The following DLG2 variants were observed in gnomAD, a reference collection of about 807,000 sequenced individuals.
DLG2 encodes disks large homolog 2.
In DLG2, 45 loss-of-function variants were observed where a neutral mutation model predicts 132.5. The ratio of observed to expected loss-of-function variants is 0.34; its 90% CI spans 0.27 to 0.44. DLG2 has a LOEUF of 0.44. DLG2 is among the 20% of genes least tolerant of loss of function. The probability of loss-of-function intolerance (pLI) is 1.00; values close to 1 mark genes in which losing one functional copy is unlikely to be tolerated. For synonymous variants in DLG2, 424 were observed against 419.6 expected (o/e 1.01, Z -0.13); for missense variants, 1,045 against 1,196.9 (o/e 0.87, Z 1.87).
intron 21 of DLG2, among the ~76,000 whole-genome samples, chr11:83,499,505 TAATCTGTACG>T (rs1424906842): frequency 1.3e-4 from 20 of 152,028 alleles, no homozygotes; most frequent in Admixed American, 1.2e-3. Context: ...TGCTTTCAAA[TAATCTGTACG>T]AATTGACATT....
chr11:84,130,568 CGCACACATAG>C (rs2094380265), intron 9 of DLG2, among the ~76,000 whole-genome samples: 1 of 139,662 alleles, frequency 7.2e-6, no homozygotes, highest in African/African-American at 2.8e-5. Context: ...TATAAGTATA[CGCACACATAG>C]ACACACACAC....
At chr11:85,031,905 T>C (rs6592229) in intron 6 of DLG2, among the ~76,000 whole-genome samples, 77,843 of 149,640 alleles carry the variant, frequency 0.52, 20,628 homozygotes, top group East Asian at 0.67. Context: ...TGCCTTAGCT[T>C]CCTGAGAGGC....
At chr11:83,918,382 C>G (rs2077271573) in intron 15 of DLG2, among the ~76,000 whole-genome samples, 1 of 152,162 alleles carries the variant, frequency 6.6e-6, no homozygotes, top group Non-Finnish European at 1.5e-5. Context: ...CCAAGGCATT[C>G]ACTCACACCT....
At chr11:83,657,534 C>CTTTTTTTTTTTT (rs540422330) in intron 18 of DLG2, among the ~76,000 whole-genome samples, 4 of 93,398 alleles carry the variant, frequency 4.3e-5, no homozygotes, top group African/African-American at 9.3e-5. Context: ...ATTGTCTATT[C>CTTTTTTTTTTTT]TTTTTTTTTT....
intron 8 of DLG2, among the ~76,000 whole-genome samples, chr11:84,221,130 T>C (rs1179320631): frequency 1.3e-5 from 2 of 151,774 alleles, no homozygotes; most frequent in African/African-American, 4.8e-5. Flanking sequence ...GCATCCTGAT[T>C]GGGTGAAACA....
At chr11:84,606,084 T>C (rs975012172) in intron 6 of DLG2, among the ~76,000 whole-genome samples, 1 of 152,108 alleles carries the variant, frequency 6.6e-6, no homozygotes. Context: ...TTTAGCATGG[T>C]AGCTGGAAGA....
chr11:84,947,884 T>C (rs2050419096), intron 6 of DLG2, among the ~76,000 whole-genome samples: 1 of 152,208 alleles, frequency 6.6e-6, no homozygotes, highest in Non-Finnish European at 1.5e-5. Flanking sequence ...TTTTAGGCAA[T>C]TTATTCATTA....
chr11:85,341,964 G>A (rs1270627939), intron 3 of DLG2, among the ~76,000 whole-genome samples: 1 of 152,114 alleles, frequency 6.6e-6, no homozygotes, highest in African/African-American at 2.4e-5. Flanking sequence ...TATAACAAAT[G>A]AGATATCTGT....
chr11:83,662,343 C>A (rs2074490725), intron 18 of DLG2, among the ~76,000 whole-genome samples: 1 of 152,196 alleles, frequency 6.6e-6, no homozygotes, highest in Non-Finnish European at 1.5e-5. Flanking sequence ...AAAGCAAGCA[C>A]TGTATTGAAA....
At chr11:84,097,024 CAAAGTAGCTT>C (rs1292007740) in intron 10 of DLG2, among the ~76,000 whole-genome samples, 1 of 152,050 alleles carries the variant, frequency 6.6e-6, no homozygotes, top group Non-Finnish European at 1.5e-5. Context: ...AGAAAAACAG[CAAAGTAGCTT>C]ATATGCTTAA....
At chr11:84,672,020 C>G (rs540161465) in intron 6 of DLG2, among the ~76,000 whole-genome samples, 2 of 152,132 alleles carry the variant, frequency 1.3e-5, no homozygotes, top group African/African-American at 4.8e-5. Context: ...TATCCAGAAC[C>G]TCATTTGAAC....
chr11:84,899,970 T>C (rs2090690972), intron 6 of DLG2, among the ~76,000 whole-genome samples: 1 of 152,040 alleles, frequency 6.6e-6, no homozygotes, highest in South Asian at 2.1e-4. Flanking sequence ...AAAGAGTTAA[T>C]GCAGCATCTA....
At chr11:84,103,759 A>C (rs1028691043) in intron 9 of DLG2, among the ~76,000 whole-genome samples, 2 of 152,148 alleles carry the variant, frequency 1.3e-5, no homozygotes, top group African/African-American at 4.8e-5. Flanking sequence ...GTCTCTGGGA[A>C]AGCCCCACTT....
Position 84,317,312 on chromosome 11 carries a change from G to A in DLG2, c.520-66021C>T. Reference sequence around the variant, plus strand: ...GCATCGTGGGAGCAGTGGGAGCAGCGACAGCAGCTCCGCACAGCATTATCT... The same window carrying A: ...GCATCGTGGGAGCAGTGGGAGCAGCAACAGCAGCTCCGCACAGCATTATCT... On this transcript the variant is annotated intron_variant, in intron 7 of 27. Coordinates refer to ENST00000376104, the MANE Select transcript of DLG2 (RefSeq NM_001142699.3). The A allele has an allele frequency of 3.5e-6, 5 of 1,435,340 alleles. No individual in the cohort carries two copies. The South Asian group carries it at 7.4e-5, about 21-fold the overall frequency. 88.9% of individuals were successfully genotyped at this position (1,435,340 alleles called of 1,614,324 possible). A position where few individuals can be genotyped will look rare whatever the true frequency, so the allele number is the denominator to read the frequency against.
chr11:85,304,211 G>A (rs989885149), intron 3 of DLG2, among the ~76,000 whole-genome samples: 1 of 152,040 alleles, frequency 6.6e-6, no homozygotes, highest in Non-Finnish European at 1.5e-5. Context: ...GACAGCAGAG[G>A]TACATTAATC....
At chr11:85,287,210 T>C (rs1483818309) in intron 3 of DLG2, among the ~76,000 whole-genome samples, 1 of 152,000 alleles carries the variant, frequency 6.6e-6, no homozygotes, top group African/African-American at 2.4e-5. Context: ...AATATATATA[T>C]GTATCAATAA....
At chr11:85,420,580 T>C (rs978044938) in intron 3 of DLG2, among the ~76,000 whole-genome samples, 16 of 152,182 alleles carry the variant, frequency 1.1e-4, no homozygotes, top group African/African-American at 3.9e-4. Flanking sequence ...GAGTTTTACC[T>C]ATAAGCCCCC....
chr11:84,109,255 G>T (rs1012566944), intron 9 of DLG2, among the ~76,000 whole-genome samples: 1 of 152,144 alleles, frequency 6.6e-6, no homozygotes. Flanking sequence ...TCAGGAAAAA[G>T]TTCTAAGCAA....
intron 8 of DLG2, among the ~76,000 whole-genome samples, chr11:84,239,519 T>G (rs1032366129): frequency 3.3e-5 from 5 of 152,138 alleles, no homozygotes; most frequent in Admixed American, 1.3e-4. Flanking sequence ...TTGTATCTGG[T>G]GAATATCAAG....
Sources: allele counts gnomAD v4.1 joint callset (sites outside exome capture counted in the v4.1 genomes callset), GRCh38; gene constraint gnomAD v4.1.1; transcripts MANE v1.5; gene names NCBI Gene and HGNC (gene_info 2026-07-23, HGNC 2026-07-21).